Variants in COG5 observed in about 807,000 individuals in gnomAD.
COG5 encodes the protein component of oligomeric golgi complex 5, also known as conserved oligomeric Golgi complex subunit 5.
A neutral mutation model predicts 110.4 loss-of-function variants in COG5; 86 were observed. That is an observed-to-expected ratio of 0.78 (90% CI 0.65 to 0.93). COG5 has a LOEUF of 0.93. Ranked by LOEUF, COG5 falls within the 40% of genes least tolerant of loss-of-function variation. The pLI is 0.00. For missense variants in COG5, 1,077 were observed against 987.0 expected (o/e 1.09, Z -1.22); for synonymous variants, 360 against 334.6 (o/e 1.08, Z -0.83).
At chr7:107,278,805 T>TA in intron 14 of COG5, among the ~76,000 whole-genome samples, 1 of 152,212 alleles carries the variant, frequency 6.6e-6, no homozygotes, top group South Asian at 2.1e-4. Context: ...ATTAAAGACT[T>TA]AAATGTAAGA....
At chr7:107,473,914 G>T in intron 6 of COG5, 3 of 515,184 alleles carry the variant, frequency 5.8e-6, no homozygotes, top group Admixed American at 3.7e-5. Flanking sequence ...TCTATTAATA[G>T]TTTACAAACT....
intron 15 of COG5, among the ~76,000 whole-genome samples, chr7:107,257,577 AATT>A (rs1486247780): frequency 2.6e-5 from 4 of 152,078 alleles, no homozygotes; most frequent in African/African-American, 9.7e-5. Context: ...AGGTCTCCTA[AATT>A]ATTATCTTCC....
chr7:107,543,702 G>A lies in COG5; in HGVS notation c.417+4409C>T, dbSNP rs185694401. Among the ~76,000 whole-genome samples, 15 of 152,120 alleles carry A rather than the reference G, an allele frequency of 9.9e-5. No individual in the cohort carries two copies. The South Asian group carries it at 1.7e-3, about 17-fold the overall frequency. ...TGGCCCCAAACACCAGGTCTGCCCC[G>A]CATCAGGTTGGCACCTGTGGCCTCA... On this transcript the variant is annotated intron_variant, in intron 5 of 21. Coordinates refer to ENST00000297135, the MANE Select transcript of COG5 (RefSeq NM_006348.5).
chr7:107,427,531 G>C (rs1475589400), intron 6 of COG5, among the ~76,000 whole-genome samples: 1 of 151,894 alleles, frequency 6.6e-6, no homozygotes, highest in Non-Finnish European at 1.5e-5. Context: ...CTGTAAATGT[G>C]ACTTTACTTG....
rs1293295215 is a variant in COG5, at chr7:107,205,139, TC to T, written c.2376-1510del. 3.3e-5 allele frequency among the ~76,000 whole-genome samples: 5 copies of T among 152,328 alleles called. No individual in the cohort carries two copies. The East Asian group carries it at 9.6e-4, about 29-fold the overall frequency. On this transcript the variant is annotated intron_variant, in intron 21 of 21. Coordinates refer to ENST00000297135, the MANE Select transcript of COG5 (RefSeq NM_006348.5). ...GTTTCTCCCCTGTTCTGGTCAGTCT[TC>T]CATATTATAGCAAGAGATTTCCCCT...
chr7:107,245,603 T>C (rs573140823), intron 17 of COG5, among the ~76,000 whole-genome samples: 15 of 152,216 alleles, frequency 9.9e-5, no homozygotes, highest in African/African-American at 3.4e-4. Flanking sequence ...AGAAAGGCAA[T>C]ACCATTCATA....
chr7:107,346,596 C>T (rs745837921), intron 10 of COG5, among the ~76,000 whole-genome samples: 2 of 152,100 alleles, frequency 1.3e-5, no homozygotes, highest in Non-Finnish European at 2.9e-5. Flanking sequence ...TAATTGGAGC[C>T]AACTTTAAAG....
At chr7:107,249,736 GTGTA>G (rs1166990918) in intron 16 of COG5, among the ~76,000 whole-genome samples, 5 of 134,730 alleles carry the variant, frequency 3.7e-5, no homozygotes, top group African/African-American at 6.0e-5. Flanking sequence ...GTGTGTGTGT[GTGTA>G]TACATATAGT....
At chr7:107,261,455 T>C (rs992261500) in intron 14 of COG5, among the ~76,000 whole-genome samples, 11 of 152,268 alleles carry the variant, frequency 7.2e-5, no homozygotes, top group African/African-American at 2.4e-4. Context: ...AAAACCACAG[T>C]TGTTATCAAC....
chr7:107,382,915 T>G (rs532347360), intron 7 of COG5, among the ~76,000 whole-genome samples: 53 of 152,318 alleles, frequency 3.5e-4, no homozygotes, highest in African/African-American at 1.1e-3. Flanking sequence ...TTCCTGTAAA[T>G]CAAACAGCAG....
chr7:107,387,695 C>G (rs982703371), intron 7 of COG5, among the ~76,000 whole-genome samples: 5 of 152,180 alleles, frequency 3.3e-5, no homozygotes, highest in African/African-American at 1.2e-4. Context: ...CATGGAAAAG[C>G]AGCAGTCTGG....
At chr7:107,432,187 A>G (rs1794070222) in intron 6 of COG5, among the ~76,000 whole-genome samples, 1 of 152,222 alleles carries the variant, frequency 6.6e-6, no homozygotes. Context: ...ATGCTTTGGC[A>G]TAAGCATTAA....
intron 17 of COG5, among the ~76,000 whole-genome samples, chr7:107,247,588 A>T (rs186535746): frequency 6.6e-6 from 1 of 152,338 alleles, no homozygotes; most frequent in East Asian, 1.9e-4. Context: ...CTACATATTA[A>T]TATTTGAGTA....
chr7:107,229,382 G>C (rs1475949559), intron 19 of COG5, among the ~76,000 whole-genome samples: 1 of 152,104 alleles, frequency 6.6e-6, no homozygotes, highest in Non-Finnish European at 1.5e-5. Context: ...CCGGGAGGTG[G>C]AAGTTGCAGT....
chr7:107,413,310 A>G (rs1233009270), intron 6 of COG5, among the ~76,000 whole-genome samples: 4 of 152,058 alleles, frequency 2.6e-5, no homozygotes, highest in Non-Finnish European at 5.9e-5. Context: ...AAAGCAAAAA[A>G]GTGGCCTTCA....
At chr7:107,556,895 C>T (rs1418610236) in intron 2 of COG5, among the ~76,000 whole-genome samples, 5 of 152,100 alleles carry the variant, frequency 3.3e-5, no homozygotes, top group South Asian at 2.1e-4. Flanking sequence ...CTCAGCCTCC[C>T]GAGTAGCTGG....
chr7:107,349,946 G>A (rs377423920), intron 10 of COG5, among the ~76,000 whole-genome samples: 1 of 152,138 alleles, frequency 6.6e-6, no homozygotes, highest in African/African-American at 2.4e-5. Flanking sequence ...ACCCGCCTCG[G>A]ACTCACAAAG....
At position 107,217,662 on chromosome 7, in the gene COG5, G is replaced by A. The variant is rs998006932; in HGVS notation, c.2169-6437C>T. Among the ~76,000 whole-genome samples, 43 of 152,210 alleles carry A rather than the reference G, an allele frequency of 2.8e-4. 1 individual carries two copies. The highest frequency in any genetic ancestry group is 7.9e-4 in the African/African-American group (33 of 41,566). On this transcript the variant is annotated intron_variant, in intron 19 of 21. Coordinates refer to ENST00000297135, the MANE Select transcript of COG5 (RefSeq NM_006348.5). ...AAACCATATGATCATTTTATTAGAT[G>A]CGGAAAAAGCATTTGACAAAATTCA...
chr7:107,297,850 C>T (rs1184926557), intron 12 of COG5, among the ~76,000 whole-genome samples: 3 of 152,002 alleles, frequency 2.0e-5, no homozygotes, highest in Non-Finnish European at 4.4e-5. Context: ...ATTATAACAT[C>T]GATTAAAATA....
Sources: allele counts gnomAD v4.1 joint callset (sites outside exome capture counted in the v4.1 genomes callset), GRCh38; gene constraint gnomAD v4.1.1; transcripts MANE v1.5; gene names NCBI Gene and HGNC (gene_info 2026-07-23, HGNC 2026-07-21).